Variants in EXTL3 observed in about 807,000 individuals in gnomAD.
EXTL3 encodes the protein exostosin-like 3.
In EXTL3, 27 loss-of-function variants were observed where a neutral mutation model predicts 69.3. The observed-to-expected ratio is 0.39, with a 90% CI of 0.29 to 0.54. The LOEUF (loss-of-function observed/expected upper bound fraction) is 0.54. EXTL3 is among the 20% of genes least tolerant of loss of function. The pLI is 0.69. For missense variants in EXTL3, 1,003 were observed against 1,231.8 expected (o/e 0.81, Z 2.78); for synonymous variants, 511 against 499.4 (o/e 1.02, Z -0.31).
chr8:28,750,899 A>T lies in EXTL3; in HGVS notation c.*33A>T, dbSNP rs1801990166. 6.3e-7 allele frequency: 1 copy of T among 1,590,102 alleles called. No homozygotes were observed. The highest frequency in any genetic ancestry group is 1.1e-5 in the South Asian group (1 of 90,632). ...GCACGGTCTGGGGAAGAGGATGAGC[A>T]GAGGGAGGAAGATGGCTCCCAAGGT... On this transcript the variant is annotated 3_prime_UTR_variant, in exon 7 of 7. Transcript: ENST00000220562. This position sits in a 1 kb window ranked among gnomAD's most constrained non-coding sequence, Gnocchi z 5.2.
chr8:28,722,667 G>A (rs990231433), intron 3 of EXTL3, among the ~76,000 whole-genome samples: 1 of 151,304 alleles, frequency 6.6e-6, no homozygotes, highest in African/African-American at 2.4e-5. Context: ...CCAGGCTCTT[G>A]GGAAGCCGAG....
intron 1 of EXTL3, among the ~76,000 whole-genome samples, chr8:28,703,475 G>T (rs1439574805): frequency 1.3e-5 from 2 of 152,122 alleles, no homozygotes; most frequent in Non-Finnish European, 2.9e-5. Flanking sequence ...AAGTCCAGAG[G>T]GTGGTTTGAA....
At chr8:28,655,047 C>T (rs1453525979) in intron 1 of EXTL3, among the ~76,000 whole-genome samples, 1 of 152,168 alleles carries the variant, frequency 6.6e-6, no homozygotes, top group Non-Finnish European at 1.5e-5. Flanking sequence ...TGTTTATTGA[C>T]TTTTGTAAGG....
chr8:28,706,221 C>A (rs537760574), intron 1 of EXTL3, among the ~76,000 whole-genome samples: 1 of 152,148 alleles, frequency 6.6e-6, no homozygotes, highest in African/African-American at 2.4e-5. Flanking sequence ...ATCTTGCTCA[C>A]CTAAAATATA....
intron 1 of EXTL3, among the ~76,000 whole-genome samples, chr8:28,709,267 TG>T (rs1266253731): frequency 1.3e-5 from 2 of 152,140 alleles, no homozygotes; most frequent in African/African-American, 4.8e-5. Flanking sequence ...TAAGTGAGTG[TG>T]TTGAGGAATA....
intron 1 of EXTL3, among the ~76,000 whole-genome samples, chr8:28,638,422 A>G (rs1806689100): frequency 1.3e-5 from 2 of 152,194 alleles, no homozygotes. Flanking sequence ...CCAGAGACAT[A>G]AAGTAAGGTC....
At chr8:28,686,334 A>C (rs1207978539) in intron 1 of EXTL3, among the ~76,000 whole-genome samples, 59 of 139,114 alleles carry the variant, frequency 4.2e-4, no homozygotes, top group African/African-American at 1.2e-3. Context: ...TCTCTCTCTC[A>C]AAAAAAAAAA....
chr8:28,673,974 C>T lies in EXTL3; in HGVS notation c.-52-39483C>T, dbSNP rs755641465. Among the ~76,000 whole-genome samples the T allele has an allele frequency of 3.9e-4, 60 of 152,276 alleles. 1 individual carries two copies. The highest frequency in any genetic ancestry group is 2.4e-3 in the Admixed American group (37 of 15,290). ...TAAAAAGAGTGCTAATAGTCCATAA[C>T]GTGAGCTGTTTGTAGAGATACACAG... is the stretch of plus-strand genomic sequence containing the variant. On this transcript the variant is annotated intron_variant, in intron 1 of 6. Transcript: ENST00000523149.
chr8:28,656,006 C>T (rs1807004517), intron 1 of EXTL3, among the ~76,000 whole-genome samples: 1 of 151,982 alleles, frequency 6.6e-6, no homozygotes, highest in Non-Finnish European at 1.5e-5. Context: ...CAGGTGGTGT[C>T]AAGATGAGTC....
At chr8:28,649,468 A>G (rs546024075) in intron 1 of EXTL3, among the ~76,000 whole-genome samples, 1 of 152,254 alleles carries the variant, frequency 6.6e-6, no homozygotes, top group East Asian at 1.9e-4. Flanking sequence ...TACATGCCTT[A>G]TTACTAATGA....
chr8:28,715,153 C>T (rs1158320056), intron 2 of EXTL3, among the ~76,000 whole-genome samples: 1 of 152,038 alleles, frequency 6.6e-6, no homozygotes, highest in Admixed American at 6.5e-5. Context: ...TAAAGTATTT[C>T]CAAAGAAGAC....
At chr8:28,617,499 G>C (rs1177352594) in intron 2 of EXTL3, among the ~76,000 whole-genome samples, 1 of 152,164 alleles carries the variant, frequency 6.6e-6, no homozygotes, top group Non-Finnish European at 1.5e-5. Context: ...ATGAAGATCA[G>C]GCCAGGCATG....
intron 1 of EXTL3, among the ~76,000 whole-genome samples, chr8:28,691,584 TG>T (rs1800613963): frequency 1.7e-4 from 25 of 149,818 alleles, no homozygotes; most frequent in Non-Finnish European, 1.9e-4. Context: ...TTTTTTTTTT[TG>T]CTATTGTGTT....
intron 1 of EXTL3, among the ~76,000 whole-genome samples, chr8:28,668,478 CA>C (rs1807234539): frequency 6.6e-6 from 1 of 151,672 alleles, no homozygotes; most frequent in South Asian, 2.1e-4. Flanking sequence ...ATTACAGCCA[CA>C]GTGCCCACCA....
At chr8:28,672,981 T>C (rs1028513875) in intron 1 of EXTL3, among the ~76,000 whole-genome samples, 6 of 152,190 alleles carry the variant, frequency 3.9e-5, no homozygotes, top group African/African-American at 1.4e-4. Flanking sequence ...CAAACTCTCA[T>C]TTGCTCTTGC....
Position 28,737,617 on chromosome 8 carries a change from C to A in EXTL3, c.2375C>A (p.Ser792Tyr). 1 of 1,614,120 alleles carries A rather than the reference C, an allele frequency of 6.2e-7. No individual in the cohort carries two copies. The highest frequency in any genetic ancestry group is 8.5e-7 in the Non-Finnish European group (1 of 1,179,960). The change falls in exon 5 of 7, where the codon TCC becomes TAC. Residue 792 changes from serine to tyrosine, a missense_variant. Transcript: ENST00000220562. Reference protein sequence around the residue: ...HQSWLYNSNYSCELSMVLTGA... With the variant: ...HQSWLYNSNYYCELSMVLTGA... ...TCCTGGCTCTACAACTCCAACTACTCCTGTGAGCTGTCCATGGTGCTGACA... is the reference window on the plus strand; with the variant it reads ...TCCTGGCTCTACAACTCCAACTACTACTGTGAGCTGTCCATGGTGCTGACA...
Position 28,716,773 on chromosome 8 carries a change from C to T in EXTL3, c.714C>T (p.Tyr238=), listed in dbSNP as rs747469381. The T allele has an allele frequency of 2.4e-5, 39 of 1,614,120 alleles. No individual in the cohort carries two copies. The highest frequency in any genetic ancestry group is 4.0e-5 in the African/African-American group (3 of 74,934). The change falls in exon 3 of 7, where the codon TAC becomes TAT. Residue 238 remains tyrosine, a synonymous_variant. Coordinates refer to ENST00000220562, the MANE Select transcript of EXTL3 (RefSeq NM_001440.4). This position sits in a 1 kb window ranked among gnomAD's most constrained non-coding sequence, Gnocchi z 7.1. ...VTENADIACL[Y]VILVGEMQEP... ...AAAATGCAGACATCGCCTGCCTTTA[C>T]GTGATACTAGTGGGAGAGATGCAGG... is the stretch of plus-strand genomic sequence containing the variant.
At chr8:28,683,142 A>G (rs774581503) in intron 1 of EXTL3, among the ~76,000 whole-genome samples, 1 of 152,156 alleles carries the variant, frequency 6.6e-6, no homozygotes, top group African/African-American at 2.4e-5. Context: ...TAGCAGTACC[A>G]TGCTATTTTG....
intron 1 of EXTL3, among the ~76,000 whole-genome samples, chr8:28,665,028 GTC>G (rs528183009): frequency 5.2e-4 from 53 of 101,782 alleles, no homozygotes; most frequent in African/African-American, 1.8e-3. Context: ...ACCTATTTTT[GTC>G]TGTTTCCTTT....
Sources: gnomAD v4.1 joint callset for allele counts (sites outside exome capture counted in the v4.1 genomes callset) on GRCh38, gnomAD v4.1.1 for gene constraint, Gnocchi (gnomAD v3.1) non-coding constraint, MANE v1.5 for transcripts, NCBI Gene and HGNC (gene_info 2026-07-23, HGNC 2026-07-21) for gene names.